The following PLCG2 variants were observed in gnomAD, a reference collection of about 807,000 sequenced individuals.
The protein encoded by PLCG2 is phospholipase C gamma 2, also known as 1-phosphatidylinositol 4,5-bisphosphate phosphodiesterase gamma-2.
Under a neutral mutation model 175.6 loss-of-function variants are expected in PLCG2, and 69 were observed. That is an observed-to-expected ratio of 0.39 (90% CI 0.32 to 0.48). The LOEUF (loss-of-function observed/expected upper bound fraction) is 0.48. Ranked by LOEUF, PLCG2 falls within the 20% of genes least tolerant of loss-of-function variation. The pLI is 0.91. For synonymous variants in PLCG2, 827 were observed against 624.0 expected (o/e 1.33, Z -4.85); for missense variants, 1,798 against 1,650.9 (o/e 1.09, Z -1.54).
intron 2 of PLCG2, among the ~76,000 whole-genome samples, chr16:81,831,383 A>G (rs1254674256): frequency 6.6e-6 from 1 of 152,206 alleles, no homozygotes; most frequent in Non-Finnish European, 1.5e-5. Context: ...ATCTGTGGAT[A>G]ATAGCAGCAA....
chr16:81,892,434 G>A (rs1387850461), intron 11 of PLCG2, among the ~76,000 whole-genome samples: 2 of 152,172 alleles, frequency 1.3e-5, no homozygotes, highest in South Asian at 2.1e-4. Flanking sequence ...GGCCCCCACA[G>A]CTGTGGGTGG....
At chr16:81,946,676 A>AC (rs1911162497) in intron 31 of PLCG2, among the ~76,000 whole-genome samples, 1 of 151,410 alleles carries the variant, frequency 6.6e-6, no homozygotes, top group Admixed American at 6.6e-5. Flanking sequence ...TAAATTAATC[A>AC]CCCCCCAAGC....
chr16:81,883,865 C>G (rs986225613), intron 9 of PLCG2, among the ~76,000 whole-genome samples: 1 of 152,198 alleles, frequency 6.6e-6, no homozygotes, highest in Non-Finnish European at 1.5e-5. Flanking sequence ...GCTATAGACT[C>G]AAGGGGGGGT....
At chr16:81,765,058 A>G (rs1450785874) in intron 2 of PLCG2, among the ~76,000 whole-genome samples, 1 of 152,226 alleles carries the variant, frequency 6.6e-6, no homozygotes, top group Admixed American at 6.5e-5. Context: ...ATTGCACTCC[A>G]GCCTGGGTGA....
chr16:81,757,338 C>A (rs551805239), intron 2 of PLCG2, among the ~76,000 whole-genome samples: 2 of 152,116 alleles, frequency 1.3e-5, no homozygotes, highest in South Asian at 4.2e-4. Flanking sequence ...AGAGTAAAAG[C>A]CTCATAGAAA....
chr16:81,913,692 T>G (rs1909726976), intron 19 of PLCG2, among the ~76,000 whole-genome samples: 1 of 152,230 alleles, frequency 6.6e-6, no homozygotes, highest in South Asian at 2.1e-4. Flanking sequence ...TGGGCCTGTG[T>G]TTCCACATGG....
At chr16:81,825,647 T>C (rs1314256705) in intron 2 of PLCG2, among the ~76,000 whole-genome samples, 1 of 152,176 alleles carries the variant, frequency 6.6e-6, no homozygotes, top group African/African-American at 2.4e-5. Flanking sequence ...CAAATGTAAT[T>C]GCAGTTTAAT....
chr16:81,944,410 CTAATT>C (rs1430694494), intron 30 of PLCG2, among the ~76,000 whole-genome samples: 1 of 152,068 alleles, frequency 6.6e-6, no homozygotes, highest in Admixed American at 6.5e-5. Flanking sequence ...TTAAAGTAAT[CTAATT>C]TAAAGGATAT....
intron 2 of PLCG2, among the ~76,000 whole-genome samples, chr16:81,832,352 A>G (rs1856110361): frequency 6.6e-6 from 1 of 152,208 alleles, no homozygotes; most frequent in Non-Finnish European, 1.5e-5. Flanking sequence ...ATATTCCCTA[A>G]TGCATGCTCT....
intron 6 of PLCG2, among the ~76,000 whole-genome samples, chr16:81,870,292 C>T (rs1342699775): frequency 1.3e-5 from 2 of 152,122 alleles, no homozygotes; most frequent in African/African-American, 2.4e-5. Flanking sequence ...AGTGGTTCTC[C>T]CATTTTACAG....
intron 2 of PLCG2, among the ~76,000 whole-genome samples, chr16:81,792,088 G>C (rs1911257939): frequency 6.6e-6 from 1 of 152,178 alleles, no homozygotes; most frequent in African/African-American, 2.4e-5. Flanking sequence ...GTGGCCACCA[G>C]CAGCCAAGCT....
intron 31 of PLCG2, among the ~76,000 whole-genome samples, chr16:81,953,090 A>G (rs185040452): frequency 1.1e-4 from 16 of 152,346 alleles, no homozygotes; most frequent in Admixed American, 9.8e-4. Context: ...AAGACACCAG[A>G]CAAAAGTTGC....
At position 81,958,213 on chromosome 16, in the gene PLCG2, T is replaced by A; in HGVS notation, c.*215T>A. On this transcript the variant is annotated 3_prime_UTR_variant, in exon 33 of 33. Coordinates refer to ENST00000564138, the MANE Select transcript of PLCG2 (RefSeq NM_002661.5). ...CAACTTTCTTAACTTATATTCTTTATAGAGGATTCCCCAAAATGTGCTCCT... is the reference window on the plus strand; with the variant it reads ...CAACTTTCTTAACTTATATTCTTTAAAGAGGATTCCCCAAAATGTGCTCCT... 1.8e-6 allele frequency: 1 copy of A among 561,886 alleles called. No homozygotes were observed. The highest frequency in any genetic ancestry group is 2.9e-5 in the East Asian group (1 of 34,402). 34.8% of individuals were successfully genotyped at this position (561,886 alleles called of 1,614,324 possible).
chr16:81,814,963 G>T (rs1224357584), intron 2 of PLCG2, among the ~76,000 whole-genome samples: 1 of 152,216 alleles, frequency 6.6e-6, no homozygotes, highest in African/African-American at 2.4e-5. Flanking sequence ...TCAGCTGCTG[G>T]AGATGGTGGC....
intron 13 of PLCG2, among the ~76,000 whole-genome samples, chr16:81,896,146 C>T (rs1475949521): frequency 1.3e-5 from 2 of 152,138 alleles, no homozygotes; most frequent in African/African-American, 4.8e-5. Context: ...TCTAGAGCCC[C>T]GAGGAGGCTC....
At chr16:81,925,749 A>G (rs924454849) in intron 22 of PLCG2, among the ~76,000 whole-genome samples, 16 of 152,250 alleles carry the variant, frequency 1.1e-4, no homozygotes, top group African/African-American at 2.6e-4. Flanking sequence ...TTAGCCAGGC[A>G]TGGTGGCCCA....
At chr16:81,792,741 C>T (rs751509559) in intron 2 of PLCG2, among the ~76,000 whole-genome samples, 9 of 151,962 alleles carry the variant, frequency 5.9e-5, no homozygotes, top group East Asian at 1.9e-4. Flanking sequence ...CTCACTATCA[C>T]GAGAACAGCA....
chr16:81,928,123 C>G (rs1218632007), intron 23 of PLCG2, among the ~76,000 whole-genome samples: 1 of 152,060 alleles, frequency 6.6e-6, no homozygotes, highest in Non-Finnish European at 1.5e-5. Flanking sequence ...GATGGGGGCT[C>G]TGAAAGTCTT....
At chr16:81,929,968 T>A (rs1910433600) in intron 24 of PLCG2, among the ~76,000 whole-genome samples, 1 of 152,198 alleles carries the variant, frequency 6.6e-6, no homozygotes, top group Non-Finnish European at 1.5e-5. Flanking sequence ...AGGTTTGAAC[T>A]GAGCCTCAGT....
Sources: allele counts gnomAD v4.1 joint callset (sites outside exome capture counted in the v4.1 genomes callset), GRCh38; gene constraint gnomAD v4.1.1; transcripts MANE v1.5; gene names NCBI Gene and HGNC (gene_info 2026-07-23, HGNC 2026-07-21).